The following APP variants were observed in gnomAD, a reference collection of about 807,000 sequenced individuals.
The protein encoded by APP is amyloid-beta precursor protein.
APP carries 31 observed loss-of-function variants against 101.4 expected under a neutral mutation model. The ratio of observed to expected loss-of-function variants is 0.31; its 90% CI spans 0.23 to 0.41. The LOEUF is 0.41. Ranked by LOEUF, APP falls within the 10% of genes least tolerant of loss-of-function variation. The pLI, the probability that APP is intolerant of heterozygous loss-of-function variation, is 1.00. For synonymous variants in APP, 366 were observed against 364.4 expected (o/e 1.00, Z -0.05); for missense variants, 839 against 1,003.7 (o/e 0.84, Z 2.22).
rs1220586389 is a variant in APP, at chr21:25,954,686, T to C, written c.1591A>G (p.Met531Val). 1.2e-6 allele frequency: 2 copies of C among 1,613,294 alleles called. No homozygotes were observed. Among genetic ancestry groups the C allele is most frequent in the South Asian group, 2.2e-5 (2 of 90,966 alleles). ...KKAAQIRSQV[M>V]THLRVIYERM... Reference sequence around the variant, plus strand: ...TCATAAATCACACGGAGGTGTGTCATAACCTGCATCAAAGGATGACAACTC... The same window carrying C: ...TCATAAATCACACGGAGGTGTGTCACAACCTGCATCAAAGGATGACAACTC... Residue 531 changes from methionine to valine, a missense_variant, in exon 13 of 18, where the codon ATG becomes GTG. Transcript: ENST00000346798.
At chr21:26,099,656 C>G (rs1372205301) in intron 2 of APP, among the ~76,000 whole-genome samples, 1 of 152,184 alleles carries the variant, frequency 6.6e-6, no homozygotes, top group Admixed American at 6.5e-5. Context: ...AATATCACAT[C>G]TTAAACTATT....
At chr21:25,936,351 C>T (rs11909803) in intron 13 of APP, among the ~76,000 whole-genome samples, 3,604 of 152,256 alleles carry the variant, frequency 0.024, 129 homozygotes, top group African/African-American at 0.08. Flanking sequence ...GTCGAGAGTT[C>T]GAGACCAGCC....
At chr21:26,142,382 G>C (rs946402513) in intron 1 of APP, among the ~76,000 whole-genome samples, 8 of 152,256 alleles carry the variant, frequency 5.3e-5, no homozygotes, top group Admixed American at 3.9e-4. Flanking sequence ...CTCAAAGATG[G>C]TGCATCCTGT....
At chr21:26,145,998 CTAAT>C (rs1253059681) in intron 1 of APP, among the ~76,000 whole-genome samples, 3 of 152,218 alleles carry the variant, frequency 2.0e-5, no homozygotes, top group East Asian at 1.9e-4. Context: ...ATACTATGAA[CTAAT>C]TAGTTTCTAG....
At chr21:26,163,563 T>C (rs1323557714) in intron 1 of APP, among the ~76,000 whole-genome samples, 1 of 152,202 alleles carries the variant, frequency 6.6e-6, no homozygotes, top group Non-Finnish European at 1.5e-5. Context: ...TCTTAATCAC[T>C]CCTCACTGTA....
intron 17 of APP, among the ~76,000 whole-genome samples, chr21:25,890,596 G>A (rs1052919369): frequency 1.3e-5 from 2 of 151,932 alleles, no homozygotes; most frequent in East Asian, 1.9e-4. Flanking sequence ...AAAATTAGCC[G>A]GGCATGGTGG....
chr21:25,984,170 G>C (rs2042550079), intron 8 of APP, among the ~76,000 whole-genome samples: 1 of 151,976 alleles, frequency 6.6e-6, no homozygotes, highest in Non-Finnish European at 1.5e-5. Flanking sequence ...CTAACCACGG[G>C]AAAGTTCTGA....
At chr21:26,068,461 A>C (rs1275833008) in intron 3 of APP, 1 of 152,130 alleles carries the variant, frequency 6.6e-6, no homozygotes, top group African/African-American at 2.4e-5. Flanking sequence ...CTGGGCTCAG[A>C]CAACCTTCCT....
At chr21:26,049,336 C>G (rs913695134) in intron 5 of APP, among the ~76,000 whole-genome samples, 32 of 152,258 alleles carry the variant, frequency 2.1e-4, no homozygotes, top group African/African-American at 7.7e-4. Flanking sequence ...GTTTATTCAA[C>G]AAACACGTAC....
intron 13 of APP, among the ~76,000 whole-genome samples, chr21:25,912,390 AGAC>A: frequency 6.6e-6 from 1 of 152,198 alleles, no homozygotes; most frequent in Non-Finnish European, 1.5e-5. Flanking sequence ...TCAAGCTGAA[AGAC>A]AACAGACAAT....
intron 16 of APP, among the ~76,000 whole-genome samples, chr21:25,894,947 C>T (rs1294151619): frequency 6.6e-6 from 1 of 152,134 alleles, no homozygotes; most frequent in Non-Finnish European, 1.5e-5. Context: ...TTGCCACAGC[C>T]ACCACAAACC....
chr21:26,155,331 T>A (rs953264582), intron 1 of APP, among the ~76,000 whole-genome samples: 1 of 152,134 alleles, frequency 6.6e-6, no homozygotes, highest in African/African-American at 2.4e-5. Context: ...AGACATAATA[T>A]GAAAAAATAA....
At chr21:25,892,936 T>C (rs2037787694) in intron 16 of APP, among the ~76,000 whole-genome samples, 1 of 122,872 alleles carries the variant, frequency 8.1e-6, no homozygotes, top group African/African-American at 3.3e-5. Flanking sequence ...CAGTAGTGCT[T>C]ACAGATAGTA....
chr21:26,069,393 T>C (rs1416226215), intron 3 of APP, among the ~76,000 whole-genome samples: 2 of 152,064 alleles, frequency 1.3e-5, no homozygotes, highest in Non-Finnish European at 2.9e-5. Context: ...CTCCCTTCCA[T>C]CCACTACAGC....
chr21:25,985,989 C>A (rs1398935927), intron 8 of APP, among the ~76,000 whole-genome samples: 1 of 152,076 alleles, frequency 6.6e-6, no homozygotes, highest in Admixed American at 6.6e-5. Context: ...GGTGAGGATC[C>A]CGGAAGGAGA....
chr21:25,943,913 C>T (rs528432009), intron 13 of APP, among the ~76,000 whole-genome samples: 3 of 152,222 alleles, frequency 2.0e-5, no homozygotes, highest in South Asian at 2.1e-4. Context: ...ACAATTAAAT[C>T]GCATGTATAA....
intron 13 of APP, among the ~76,000 whole-genome samples, chr21:25,947,583 C>G (rs1190347898): frequency 6.6e-6 from 1 of 152,194 alleles, no homozygotes; most frequent in African/African-American, 2.4e-5. Context: ...TACATTTAGA[C>G]ACAGGCAGCT....
At chr21:26,048,925 T>C (rs1009300252) in intron 5 of APP, among the ~76,000 whole-genome samples, 1 of 152,144 alleles carries the variant, frequency 6.6e-6, no homozygotes, top group Non-Finnish European at 1.5e-5. Context: ...ACGGTGGGAA[T>C]GAAAGCCTAG....
chr21:26,137,240 T>C (rs78271393), intron 1 of APP, among the ~76,000 whole-genome samples: 4,191 of 152,302 alleles, frequency 0.028, 196 homozygotes, highest in African/African-American at 0.096. Context: ...CCTTAAACCA[T>C]TAGTTTTCAA....
Sources: allele counts gnomAD v4.1 joint callset (sites outside exome capture counted in the v4.1 genomes callset), GRCh38; gene constraint gnomAD v4.1.1; transcripts MANE v1.5; gene names NCBI Gene and HGNC (gene_info 2026-07-23, HGNC 2026-07-21).